ACSL6: variants seen among roughly 807,000 people sequenced by gnomAD.
ACSL6 encodes the protein long-chain-fatty-acid--CoA ligase 6.
ACSL6 carries 47 observed loss-of-function variants against 98.2 expected under a neutral mutation model. The observed-to-expected ratio is 0.48, with a 90% confidence interval of 0.38 to 0.61. ACSL6 has a LOEUF of 0.61. Among genes scored for constraint, ACSL6 ranks in the 20% least tolerant of loss-of-function variants. ACSL6 has a pLI of 0.00. For synonymous variants in ACSL6, 362 were observed against 336.9 expected (o/e 1.07, Z -0.82); for missense variants, 761 against 913.4 (o/e 0.83, Z 2.15).
At chr5:131,969,312 G>T (rs970948165) in intron 15 of ACSL6, among the ~76,000 whole-genome samples, 1 of 152,178 alleles carries the variant, frequency 6.6e-6, no homozygotes, top group Non-Finnish European at 1.5e-5. Flanking sequence ...ATCATATTTG[G>T]CCAAGCTAAG....
intron 10 of ACSL6, chr5:131,975,276 G>A: frequency 8.1e-7 from 1 of 1,232,870 alleles, no homozygotes; most frequent in Non-Finnish European, 1.0e-6. Context: ...GCCAAATGAA[G>A]CACACAGAAA....
At position 131,950,938 on chromosome 5, in the gene ACSL6, C is replaced by T. The variant is rs894252581; in HGVS notation, c.*3296G>A. 1.0e-5 allele frequency: 2 copies of T among 191,736 alleles called. No individual in the cohort carries two copies. Among genetic ancestry groups the T allele is most frequent in the Non-Finnish European group, 2.2e-5 (2 of 91,674 alleles). The allele number at this position is 191,736 out of a possible 1,614,324, so 11.9% of individuals were successfully genotyped here. On this transcript the variant is annotated 3_prime_UTR_variant, in exon 21 of 21. Coordinates refer to ENST00000651883, the MANE Select transcript of ACSL6 (RefSeq NM_001009185.3). ...ATGAAGGAGACATAAAATGTTTAATCCTTGGATTTCTGAGTTTATGAGTTC... is the reference window on the plus strand; with the variant it reads ...ATGAAGGAGACATAAAATGTTTAATTCTTGGATTTCTGAGTTTATGAGTTC...
intron 4 of ACSL6, 43 bp downstream of exon 4, chr5:131,990,057 T>G: frequency 6.2e-7 from 1 of 1,605,014 alleles, no homozygotes. Flanking sequence ...GAGTGCCAGA[T>G]CTGAATGGGT....
intron 4 of ACSL6, 134 bp downstream of exon 4, chr5:131,989,966 C>CCAG (rs1303780079): frequency 1.1e-6 from 1 of 947,052 alleles, no homozygotes; most frequent in African/African-American, 1.6e-5. Context: ...AAGGCTGTTG[C>CCAG]CAGGAGTTTG....
At position 131,994,155 on chromosome 5, in the gene ACSL6, C is replaced by T; in HGVS notation, c.146G>A (p.Ser49Asn). 1.2e-6 allele frequency: 2 copies of T among 1,614,218 alleles called. No individual in the cohort carries two copies. The highest frequency in any genetic ancestry group is 2.2e-5 in the East Asian group (1 of 44,884). ...ACTCACGAGGGTGGTGGCCGAGAGG[C>T]TGCGGAAAAACTGTCCCAAGTCACC... Reference protein sequence around the residue: ...ELGDLGQFFRSLSATTLVSMG... With the variant: ...ELGDLGQFFRNLSATTLVSMG... Residue 49 changes from serine to asparagine, a missense_variant, in exon 2 of 21, where the codon AGC (serine) becomes AAC (asparagine). Transcript: ENST00000651883.
Position 131,994,064 on chromosome 5 carries a change from T to G in ACSL6, c.237A>C (p.Pro79=). 6.2e-7 allele frequency: 1 copy of G among 1,614,070 alleles called. No individual in the cohort carries two copies. Among genetic ancestry groups the G allele is most frequent in the Middle Eastern group, 1.7e-4 (1 of 5,958 alleles). Residue 79 remains proline, a synonymous_variant, in exon 2 of 21, where the codon CCA becomes CCC. Transcript: ENST00000651883. ...FTHRPKALQP[P]CNLLMQSEEV... ...CTTCTGACTGCATCAGGAGGTTGCA[T>G]GGCGGCTGCAAGGCCTTTGGCCGGT...
intron 9 of ACSL6, among the ~76,000 whole-genome samples, chr5:131,980,626 A>G (rs1753840680): frequency 6.6e-6 from 1 of 152,120 alleles, no homozygotes; most frequent in South Asian, 2.1e-4. Context: ...CCCAATTTGA[A>G]TGGTCTCCAC....
chr5:132,010,922 G>A (rs1314231713), intron 1 of ACSL6, among the ~76,000 whole-genome samples: 1 of 152,210 alleles, frequency 6.6e-6, no homozygotes, highest in East Asian at 1.9e-4. Context: ...GTGAGGTGGA[G>A]GGGAGGGGTC....
chr5:131,973,076 A>C (rs1753403911), intron 12 of ACSL6, among the ~76,000 whole-genome samples, 190 bp downstream of exon 12: 1 of 152,218 alleles, frequency 6.6e-6, no homozygotes, highest in Non-Finnish European at 1.5e-5. Context: ...TCTCTCCCGC[A>C]GGGGTATTTG....
At chr5:131,976,506 A>C (rs1360652255) in intron 10 of ACSL6, 142 bp downstream of exon 10, 24 of 767,152 alleles carry the variant, frequency 3.1e-5, no homozygotes, top group Non-Finnish European at 4.8e-5. Flanking sequence ...ATGAGAACAG[A>C]AACTCCTGCC....
rs1752115296 is a variant in ACSL6 at position 131,950,747 on chromosome 5, A to T, written c.*3487T>A. On this transcript the variant is annotated 3_prime_UTR_variant, in exon 21 of 21. Coordinates refer to ENST00000651883, the MANE Select transcript of ACSL6 (RefSeq NM_001009185.3). ...GGATATTTCATTTTCTTTACTGCAGAAAAAGGAAAGGTTATTGGTTCTTTG... is the reference window on the plus strand; with the variant it reads ...GGATATTTCATTTTCTTTACTGCAGTAAAAGGAAAGGTTATTGGTTCTTTG... 5.2e-6 allele frequency: 1 copy of T among 193,048 alleles called. No homozygotes were observed. Among genetic ancestry groups the T allele is most frequent in the South Asian group, 1.9e-4 (1 of 5,192 alleles). The allele number at this position is 193,048 out of a possible 1,614,324, so 12.0% of individuals were successfully genotyped here. A position where few individuals can be genotyped will look rare whatever the true frequency, so the allele number is the denominator to read the frequency against.
chr5:131,998,073 C>T (rs1754883993), intron 1 of ACSL6, among the ~76,000 whole-genome samples: 1 of 152,188 alleles, frequency 6.6e-6, no homozygotes, highest in South Asian at 2.1e-4. Flanking sequence ...GACCTCCACA[C>T]CTCTCTTTTG....
chr5:131,997,072 A>G (rs1754830071), intron 1 of ACSL6, among the ~76,000 whole-genome samples: 1 of 152,202 alleles, frequency 6.6e-6, no homozygotes, highest in Non-Finnish European at 1.5e-5. Flanking sequence ...AATCTCATAC[A>G]AAGATCAGTG....
chr5:131,990,391 G>A (rs988248680), intron 3 of ACSL6, among the ~76,000 whole-genome samples: 2 of 152,192 alleles, frequency 1.3e-5, no homozygotes, highest in Non-Finnish European at 2.9e-5. Context: ...TCTGGAAATG[G>A]GGAATGATGC....
At chr5:131,992,311 GT>G (rs1754568806) in intron 2 of ACSL6, among the ~76,000 whole-genome samples, 1 of 152,136 alleles carries the variant, frequency 6.6e-6, no homozygotes, top group African/African-American at 2.4e-5. Context: ...CCAGGAAAGG[GT>G]TTTAGGCCAG....
rs750272328 is a variant in ACSL6, at chr5:131,994,118, C to G, written c.183G>C (p.Leu61=). Residue 61 remains leucine (L), a synonymous_variant, in exon 2 of 21, where the codon CTG becomes CTC. Coordinates refer to ENST00000651883, the MANE Select transcript of ACSL6 (RefSeq NM_001009185.3). ...TGAACCAGTAGGCAAGGATGGCAGC[C>G]AGGGCACCCATACTCACGAGGGTGG... ...SATTLVSMGA[L]AAILAYWFTH... 2 of 1,614,204 alleles carry G rather than the reference C, an allele frequency of 1.2e-6. No homozygotes were observed. The highest frequency in any genetic ancestry group is 1.7e-6 in the Non-Finnish European group (2 of 1,180,042).
At position 131,960,603 on chromosome 5, in the gene ACSL6, C is replaced by T; in HGVS notation, c.1876G>A (p.Val626Ile). 1 of 1,614,012 alleles carries T rather than the reference C, an allele frequency of 6.2e-7. No homozygotes were observed. The highest frequency in any genetic ancestry group is 1.3e-5 in the African/African-American group (1 of 75,030). ...DSLKAFLVGIVVPDPEVMPSW... is the reference protein window; with the variant it reads ...DSLKAFLVGIIVPDPEVMPSW... Reference sequence around the variant, plus strand: ...GGCATAACTTCAGGGTCAGGCACAACAATGCCTACCAAAAAGGCCTGCAGT... The same window carrying T: ...GGCATAACTTCAGGGTCAGGCACAATAATGCCTACCAAAAAGGCCTGCAGT... Residue 626 changes from valine (V) to isoleucine (I), a missense_variant, in exon 19 of 21, where the codon GTT (valine) becomes ATT (isoleucine). Transcript: ENST00000651883.
chr5:132,012,101 G>T, upstream of ACSL6: 4 of 787,652 alleles, frequency 5.1e-6, no homozygotes, highest in Non-Finnish European at 5.7e-6. Context: ...GTCCTAGGAG[G>T]TGCACACTCC....
At chr5:131,993,162 A>G (rs1463869937) in intron 2 of ACSL6, 1 of 152,290 alleles carries the variant, frequency 6.6e-6, no homozygotes, top group East Asian at 1.9e-4. Flanking sequence ...CGCTGGAAAA[A>G]TGCCCTGAAG....
Sources: gnomAD v4.1 joint callset for allele counts (sites outside exome capture counted in the v4.1 genomes callset) on GRCh38, gnomAD v4.1.1 for gene constraint, MANE v1.5 for transcripts, NCBI Gene and HGNC (gene_info 2026-07-23, HGNC 2026-07-21) for gene names.